Variants in BANK1 observed in about 807,000 individuals in gnomAD.
BANK1 encodes the protein B cell scaffold protein with ankyrin repeats 1, also known as B-cell scaffold protein with ankyrin repeats.
A neutral mutation model predicts 94.5 loss-of-function variants in BANK1; 95 were observed. That is an observed-to-expected ratio of 1.00 (90% CI 0.85 to 1.19). BANK1 has a LOEUF of 1.19. Among genes scored for constraint, BANK1 ranks in the 50% most tolerant of loss-of-function variants. The probability of loss-of-function intolerance (pLI) is 0.00; values close to 1 mark genes in which losing one functional copy is unlikely to be tolerated. For missense variants in BANK1, 987 were observed against 932.2 expected (o/e 1.06, Z -0.77); for synonymous variants, 334 against 308.4 (o/e 1.08, Z -0.87).
intron 11 of BANK1, 86 bp downstream of exon 11, chr4:102,043,993 C>A: frequency 1.4e-6 from 1 of 706,692 alleles, no homozygotes; most frequent in African/African-American, 1.8e-5. Flanking sequence ...CCTCCTAGGA[C>A]AGAAGTATGT....
chr4:101,907,102 T>C (rs1384209956), intron 6 of BANK1, among the ~76,000 whole-genome samples: 1 of 152,190 alleles, frequency 6.6e-6, no homozygotes, highest in African/African-American at 2.4e-5. Context: ...ATTAAAGGAA[T>C]AGGTTGGGCT....
chr4:101,939,557 A>G (rs1723674573), intron 7 of BANK1, among the ~76,000 whole-genome samples: 2 of 151,686 alleles, frequency 1.3e-5, no homozygotes, highest in Admixed American at 1.3e-4. Flanking sequence ...GGGAGTAGAG[A>G]GACAGAGGTT....
At chr4:101,861,693 C>T (rs912009344) in intron 3 of BANK1, among the ~76,000 whole-genome samples, 3 of 151,292 alleles carry the variant, frequency 2.0e-5, no homozygotes, top group Non-Finnish European at 3.0e-5. Context: ...GTGTGTTTGT[C>T]TTTCTGTATG....
At chr4:101,822,590 A>G (rs914589770) in intron 1 of BANK1, among the ~76,000 whole-genome samples, 18 of 151,032 alleles carry the variant, frequency 1.2e-4, no homozygotes, top group African/African-American at 4.4e-4. Flanking sequence ...GGGTGGTCTT[A>G]TGGTCAGTGT....
At chr4:101,941,736 T>A (rs1208391617) in intron 7 of BANK1, among the ~76,000 whole-genome samples, 1 of 130,670 alleles carries the variant, frequency 7.7e-6, no homozygotes, top group Non-Finnish European at 1.8e-5. Context: ...CTTTCAGATG[T>A]GTGTGTACAC....
At chr4:102,049,355 C>T (rs1186463233) in intron 11 of BANK1, among the ~76,000 whole-genome samples, 1 of 152,090 alleles carries the variant, frequency 6.6e-6, no homozygotes, top group Non-Finnish European at 1.5e-5. Flanking sequence ...CATATATAGT[C>T]TAGGGTCAAG....
At position 101,830,144 on chromosome 4, in the gene BANK1, A is replaced by G; in HGVS notation, c.407A>G (p.Glu136Gly). The G allele has an allele frequency of 6.2e-7, 1 of 1,607,938 alleles. No individual in the cohort carries two copies. Among genetic ancestry groups the G allele is most frequent in the Non-Finnish European group, 8.5e-7 (1 of 1,178,094 alleles). ...CTAAATATCTCTCAAAGCAGATGGG[A>G]GATCTCAACTGAACAGGAACCTGAA... ...ELLNISQSRW[E>G]ISTEQEPEDY... is the part of the protein sequence containing the mutation. The change falls in exon 2 of 17, where the codon GAG becomes GGG. Residue 136 changes from glutamate to glycine, a missense_variant. Transcript: ENST00000322953.
chr4:101,885,883 A>G (rs768871590), intron 5 of BANK1, among the ~76,000 whole-genome samples: 14 of 152,230 alleles, frequency 9.2e-5, no homozygotes, highest in Non-Finnish European at 1.9e-4. Context: ...TGTTGCTCCT[A>G]GACCTCAAAC....
chr4:101,937,549 C>G (rs1376038742), intron 7 of BANK1, among the ~76,000 whole-genome samples: 1 of 151,932 alleles, frequency 6.6e-6, no homozygotes, highest in Non-Finnish European at 1.5e-5. Flanking sequence ...GATACCATCT[C>G]ATGCCAGTTA....
At chr4:101,968,604 G>T (rs1724843222) in intron 7 of BANK1, among the ~76,000 whole-genome samples, 1 of 151,946 alleles carries the variant, frequency 6.6e-6, no homozygotes, top group Non-Finnish European at 1.5e-5. Context: ...GAAGGTGATG[G>T]GTGGGGCTCT....
chr4:101,914,880 AC>A (rs1311435385), intron 6 of BANK1, among the ~76,000 whole-genome samples: 2 of 152,170 alleles, frequency 1.3e-5, no homozygotes, highest in Non-Finnish European at 2.9e-5. Flanking sequence ...AAAATAAACC[AC>A]AAAAACTGTG....
chr4:101,973,150 C>T (rs1286594413), intron 7 of BANK1, among the ~76,000 whole-genome samples: 1 of 151,878 alleles, frequency 6.6e-6, no homozygotes, highest in East Asian at 1.9e-4. Context: ...ATTTCAAATG[C>T]TCTCACCACA....
intron 7 of BANK1, among the ~76,000 whole-genome samples, chr4:101,943,469 A>C (rs1456346185): frequency 6.6e-6 from 1 of 151,796 alleles, no homozygotes; most frequent in Non-Finnish European, 1.5e-5. Flanking sequence ...ACAACAGGTC[A>C]TGGTGGGTGG....
intron 7 of BANK1, among the ~76,000 whole-genome samples, chr4:101,966,004 A>G (rs1325307775): frequency 6.6e-6 from 1 of 152,130 alleles, no homozygotes; most frequent in Non-Finnish European, 1.5e-5. Context: ...TTATCAACAT[A>G]AAATGCCATG....
At position 101,862,547 on chromosome 4, in the gene BANK1, A is replaced by ATT. The variant is rs1727917621; in HGVS notation, c.649_650dup (p.Leu217PhefsTer2). 1 of 1,605,702 alleles carries ATT rather than the reference A, an allele frequency of 6.2e-7. No individual in the cohort carries two copies. The highest frequency in any genetic ancestry group is 2.2e-5 in the East Asian group (1 of 44,608). Reference sequence around the variant, plus strand: ...ACAGAATCCTGGTGAAATATTCATAATTTTGAGAGATGAAGTAATTGGTGA... The same window carrying ATT: ...ACAGAATCCTGGTGAAATATTCATAATTTTTTGAGAGATGAAGTAATTGGTGA... On this transcript the variant is annotated frameshift_variant, in exon 4 of 17. Coordinates refer to ENST00000322953, the MANE Select transcript of BANK1 (RefSeq NM_017935.5). LOFTEE classifies it high-confidence loss of function.
At chr4:101,953,616 G>A (rs529754166) in intron 7 of BANK1, among the ~76,000 whole-genome samples, 137 of 151,752 alleles carry the variant, frequency 9.0e-4, no homozygotes, top group Non-Finnish European at 1.2e-3. Flanking sequence ...CTGCTAGCAC[G>A]ATTACCTCCC....
intron 5 of BANK1, among the ~76,000 whole-genome samples, chr4:101,884,840 C>T (rs1011219643): frequency 1.3e-5 from 2 of 152,160 alleles, no homozygotes; most frequent in Non-Finnish European, 2.9e-5. Context: ...GGTCCTCCAC[C>T]TTAAGTTCTT....
chr4:101,882,535 A>T lies in BANK1; in HGVS notation c.903+11891A>T, dbSNP rs76457590. On this transcript the variant is annotated intron_variant, in intron 5 of 16. Transcript: ENST00000322953. The stretch of plus-strand genomic sequence containing the variant: ...CCTGAGATAGTACCACTCTTTCAAA[A>T]GACTGCATATTGTTTTTCCTTTAAT... Among the ~76,000 whole-genome samples the T allele has an allele frequency of 0.011, 1,628 of 152,326 alleles. 79 individuals carry two copies. In the East Asian group the frequency reaches 0.15, roughly 14 times the overall value.
intron 6 of BANK1, among the ~76,000 whole-genome samples, chr4:101,912,930 C>T (rs187099334): frequency 6.2e-4 from 94 of 152,240 alleles, no homozygotes; most frequent in African/African-American, 2.1e-3. Flanking sequence ...TGAAATAGTC[C>T]TTACTAATGA....
Sources: allele counts gnomAD v4.1 joint callset (sites outside exome capture counted in the v4.1 genomes callset), GRCh38; gene constraint gnomAD v4.1.1; transcripts MANE v1.5; gene names NCBI Gene and HGNC (gene_info 2026-07-23, HGNC 2026-07-21).